Variants in PSEN1 observed in about 807,000 individuals in gnomAD.
PSEN1 encodes the protein presenilin-1.
PSEN1 carries 15 observed loss-of-function variants against 53.5 expected under a neutral mutation model. That is an observed-to-expected ratio of 0.28 (90% CI 0.19 to 0.43). The LOEUF is 0.43. Among genes scored for constraint, PSEN1 ranks in the 20% least tolerant of loss-of-function variants. The probability of loss-of-function intolerance (pLI) is 1.00; values close to 1 mark genes in which losing one functional copy is unlikely to be tolerated. For synonymous variants in PSEN1, 208 were observed against 209.8 expected, an observed-to-expected ratio of 0.99 and a Z score of 0.08; for missense variants, 387 against 571.2, an observed-to-expected ratio of 0.68 and a Z score of 3.29.
At chr14:73,202,273 CA>C (rs1408941570) in intron 8 of PSEN1, among the ~76,000 whole-genome samples, 5 of 149,314 alleles carry the variant, frequency 3.3e-5, no homozygotes, top group Non-Finnish European at 5.9e-5. Context: ...ACATTCTACT[CA>C]AAGTGAGTCC....
intron 6 of PSEN1, 141 bp from the exon 7 acceptor site, chr14:73,192,503 T>C: frequency 1.5e-6 from 1 of 685,958 alleles, no homozygotes; most frequent in Non-Finnish European, 2.6e-6. Flanking sequence ...AAATAAATAA[T>C]AGCACAGTTG....
intron 5 of PSEN1, among the ~76,000 whole-genome samples, chr14:73,177,966 CTT>C (rs374072714): frequency 0.023 from 3,430 of 146,746 alleles, 131 homozygotes; most frequent in African/African-American, 0.077. Context: ...ATTCTTTACT[CTT>C]TTTTTTTTTG....
Position 73,222,131 on chromosome 14 carries a change from G to C in PSEN1, c.*2842G>C, listed in dbSNP as rs1164045598. 3 of 152,068 alleles carry C rather than the reference G, an allele frequency of 2.0e-5. No homozygotes were observed. Among genetic ancestry groups the C allele is most frequent in the Non-Finnish European group, 2.9e-5 (2 of 68,020 alleles). The allele number at this position is 152,068 out of a possible 1,614,324, so 9.4% of individuals were successfully genotyped here. On this transcript the variant is annotated 3_prime_UTR_variant, in exon 12 of 12. Transcript: ENST00000324501. ...CCTTCCTGTTTTTGGTTCTCAGTAG[G>C]TTCGTGTGTGTTCCTAGAATCACAG... is the stretch of plus-strand genomic sequence containing the variant.
chr14:73,189,341 T>C (rs1268036682), intron 6 of PSEN1, among the ~76,000 whole-genome samples: 1 of 152,204 alleles, frequency 6.6e-6, no homozygotes. Context: ...CTGGGTGCCG[T>C]GGCTCATGCC....
intron 8 of PSEN1, among the ~76,000 whole-genome samples, chr14:73,203,390 C>T (rs927586473): frequency 6.6e-5 from 10 of 151,962 alleles, no homozygotes; most frequent in African/African-American, 1.5e-4. Context: ...ACCTGGCCTT[C>T]GTTTTGTTTT....
At chr14:73,192,365 C>T (rs1451821917) in intron 6 of PSEN1, among the ~76,000 whole-genome samples, 1 of 152,090 alleles carries the variant, frequency 6.6e-6, no homozygotes, top group East Asian at 1.9e-4. Context: ...CACCTGATCT[C>T]CGGAGGTAAA....
intron 7 of PSEN1, 91 bp from the exon 8 acceptor site, chr14:73,197,940 C>T: frequency 1.4e-5 from 9 of 647,406 alleles, no homozygotes; most frequent in South Asian, 9.8e-5. Flanking sequence ...AAACATTAAA[C>T]TTTTTTCCTT....
At chr14:73,157,292 A>C (rs1377968013) in intron 3 of PSEN1, among the ~76,000 whole-genome samples, 1 of 150,804 alleles carries the variant, frequency 6.6e-6, no homozygotes, top group African/African-American at 2.4e-5. Context: ...CACCCAGCTA[A>C]TTTTTTTGTA....
At chr14:73,171,517 C>T (rs1048112611) in intron 4 of PSEN1, among the ~76,000 whole-genome samples, 1 of 152,116 alleles carries the variant, frequency 6.6e-6, no homozygotes, top group Non-Finnish European at 1.5e-5. Context: ...GAAGGGTGCA[C>T]CCTTACAGAT....
At chr14:73,218,854 T>C (rs1158724620) in intron 11 of PSEN1, among the ~76,000 whole-genome samples, 1 of 152,242 alleles carries the variant, frequency 6.6e-6, no homozygotes, top group Non-Finnish European at 1.5e-5. Flanking sequence ...TATCTTTTAA[T>C]TTTTTTCAAA....
At chr14:73,179,959 G>A (rs927559439) in intron 5 of PSEN1, among the ~76,000 whole-genome samples, 1 of 151,948 alleles carries the variant, frequency 6.6e-6, no homozygotes, top group Non-Finnish European at 1.5e-5. Context: ...TGTCGCATTT[G>A]TACATCTTTT....
intron 11 of PSEN1, 131 bp from the exon 12 acceptor site, chr14:73,219,003 G>T: frequency 1.0e-6 from 1 of 1,004,918 alleles, no homozygotes; most frequent in South Asian, 1.3e-5. Flanking sequence ...ATGAACGTCT[G>T]TTCTAAAATT....
chr14:73,141,726 A>G (rs1301732871), intron 1 of PSEN1, among the ~76,000 whole-genome samples: 1 of 152,160 alleles, frequency 6.6e-6, no homozygotes, highest in East Asian at 1.9e-4. Flanking sequence ...TGGAAGTTGC[A>G]GTGAGCCATG....
intron 7 of PSEN1, chr14:73,197,751 T>G: frequency 2.4e-6 from 1 of 424,638 alleles, no homozygotes. Flanking sequence ...GGAAGACTTG[T>G]TCCTATACCC....
intron 8 of PSEN1, among the ~76,000 whole-genome samples, chr14:73,198,838 A>G (rs368271347): frequency 2.2e-4 from 33 of 152,270 alleles, no homozygotes; most frequent in African/African-American, 7.9e-4. Context: ...CAGTAGTGTG[A>G]TCATGGCTCA....
chr14:73,141,354 C>G (rs1433258020), intron 1 of PSEN1, among the ~76,000 whole-genome samples: 1 of 152,164 alleles, frequency 6.6e-6, no homozygotes, highest in African/African-American at 2.4e-5. Context: ...TATCACTACC[C>G]TTGCTCTTTT....
In PSEN1 at chr14:73,222,228, G is replaced by T. The variant is rs1024312138; in HGVS notation, c.*2939G>T. The T allele has an allele frequency of 1.3e-5, 2 of 152,132 alleles. No homozygotes were observed. Among genetic ancestry groups the T allele is most frequent in the Non-Finnish European group, 2.9e-5 (2 of 68,024 alleles). The allele number at this position is 152,132 out of a possible 1,614,324, so 9.4% of individuals were successfully genotyped here. Reference sequence around the variant, plus strand: ...TTTCTAAGCAACTTGGAAGAAAACAGTCATAAGTAAGCAATTTGTTGATTT... The same window carrying T: ...TTTCTAAGCAACTTGGAAGAAAACATTCATAAGTAAGCAATTTGTTGATTT... On this transcript the variant is annotated 3_prime_UTR_variant, in exon 12 of 12. Coordinates refer to ENST00000324501, the MANE Select transcript of PSEN1 (RefSeq NM_000021.4).
At chr14:73,174,764 T>C (rs755161318) in intron 5 of PSEN1, among the ~76,000 whole-genome samples, 5 of 152,168 alleles carry the variant, frequency 3.3e-5, no homozygotes, top group African/African-American at 1.2e-4. Context: ...GTAGCCACCA[T>C]GCATCCTCTC....
At chr14:73,199,473 A>G (rs1232672553) in intron 8 of PSEN1, among the ~76,000 whole-genome samples, 1 of 152,242 alleles carries the variant, frequency 6.6e-6, no homozygotes, top group Non-Finnish European at 1.5e-5. Context: ...AAATGGCTGC[A>G]TAGTGTTCTC....
Sources: allele counts gnomAD v4.1 joint callset (sites outside exome capture counted in the v4.1 genomes callset), GRCh38; gene constraint gnomAD v4.1.1; transcripts MANE v1.5; gene names NCBI Gene and HGNC (gene_info 2026-07-23, HGNC 2026-07-21).